NOL4L: variants seen among roughly 807,000 people sequenced by gnomAD.
NOL4L encodes nucleolar protein 4 like, also known as nucleolar protein 4-like.
A neutral mutation model predicts 64.5 loss-of-function variants in NOL4L; 7 were observed. The ratio of observed to expected loss-of-function variants is 0.11; its 90% CI spans 0.06 to 0.20. NOL4L has a LOEUF of 0.20. NOL4L is among the 10% of genes least tolerant of loss of function. The pLI, the probability that NOL4L is intolerant of heterozygous loss-of-function variation, is 1.00. For synonymous variants in NOL4L, 413 were observed against 401.0 expected (o/e 1.03, Z -0.36); for missense variants, 680 against 967.1 (o/e 0.70, Z 3.94).
intron 1 of NOL4L, among the ~76,000 whole-genome samples, chr20:32,575,291 A>G (rs1980024027): frequency 6.6e-6 from 1 of 151,252 alleles, no homozygotes; most frequent in Non-Finnish European, 1.5e-5. Context: ...TTGGCCATTT[A>G]CTCATCTCCA....
intron 1 of NOL4L, among the ~76,000 whole-genome samples, chr20:32,581,810 G>A (rs1209272686): frequency 6.6e-6 from 1 of 152,148 alleles, no homozygotes; most frequent in African/African-American, 2.4e-5. Flanking sequence ...AAAGGTTTAT[G>A]GCCCAATGAC....
chr20:32,552,507 C>G (rs1201432132), intron 1 of NOL4L, among the ~76,000 whole-genome samples: 2 of 149,758 alleles, frequency 1.3e-5, no homozygotes, highest in African/African-American at 4.9e-5. Flanking sequence ...GCCAACATGG[C>G]GAAACTCTGT....
intron 1 of NOL4L, among the ~76,000 whole-genome samples, chr20:32,541,604 C>CG (rs955994417): frequency 1.6e-4 from 25 of 152,200 alleles, no homozygotes; most frequent in African/African-American, 6.0e-4. Flanking sequence ...TCCATCGGCC[C>CG]GGGCCTGGAA....
chr20:32,541,547 C>T (rs1017809732), intron 1 of NOL4L, among the ~76,000 whole-genome samples: 1 of 152,128 alleles, frequency 6.6e-6, no homozygotes, highest in African/African-American at 2.4e-5. Flanking sequence ...GTCAGGAGCT[C>T]GTCTGGCCAC....
chr20:32,551,073 A>G (rs1237304745), intron 1 of NOL4L, among the ~76,000 whole-genome samples: 1 of 151,164 alleles, frequency 6.6e-6, no homozygotes, highest in African/African-American at 2.4e-5. Context: ...AATAATAATA[A>G]TACAGTATTA....
chr20:32,496,957 C>G (rs1435469039), intron 4 of NOL4L, among the ~76,000 whole-genome samples: 4 of 144,418 alleles, frequency 2.8e-5, no homozygotes, highest in Non-Finnish European at 6.0e-5. Context: ...GAATAGGGGT[C>G]GGGGAGCTAC....
At position 32,509,922 on chromosome 20, in the gene NOL4L, C is replaced by T. The variant is rs77508951; in HGVS notation, c.699+1425G>A. ...ATAACAGTGTTTACGAAGCCAGGTG[C>T]CGGAGACAGTGAGGATGGCTACAGG... On this transcript the variant is annotated intron_variant, in intron 4 of 10. Coordinates refer to ENST00000621426, the MANE Select transcript of NOL4L (RefSeq NM_001256798.2). 2,260 of 1,304,176 alleles carry T rather than the reference C, an allele frequency of 1.7e-3. 4 individuals are homozygous for T. The highest frequency in any genetic ancestry group is 2.2e-3 in the Non-Finnish European group (2,138 of 988,866). The allele number at this position is 1,304,176 out of a possible 1,614,324, so 80.8% of individuals were successfully genotyped here.
intron 2 of NOL4L, 33 bp downstream of exon 2, chr20:32,527,725 C>T (rs1264307628): frequency 6.5e-7 from 1 of 1,529,058 alleles, no homozygotes; most frequent in East Asian, 2.5e-5. Context: ...AGGCCTGGGG[C>T]TGCCAGTGGA....
intron 5 of NOL4L, among the ~76,000 whole-genome samples, chr20:32,462,517 G>A (rs1037040688): frequency 2.0e-5 from 3 of 152,100 alleles, no homozygotes; most frequent in East Asian, 1.9e-4. Flanking sequence ...CCAGGAGAAC[G>A]CGCCTGTCAC....
chr20:32,568,611 G>A (rs1472666545), intron 1 of NOL4L, among the ~76,000 whole-genome samples: 4 of 152,136 alleles, frequency 2.6e-5, no homozygotes, highest in African/African-American at 9.7e-5. Flanking sequence ...CCCCACTATG[G>A]GGCCATCCAG....
chr20:32,456,385 G>A lies in NOL4L; in HGVS notation c.852C>T (p.Ser284=). Residue 284 remains serine (S), a synonymous_variant, in exon 6 of 11, where the codon TCC becomes TCT. Coordinates refer to ENST00000621426, the MANE Select transcript of NOL4L (RefSeq NM_001256798.2). The stretch of plus-strand genomic sequence containing the variant: ...AGCCATTGCCGCTGCCACTCTCAGA[G>A]GAGGAGTCATCTGGAATGAGAGGCC... The part of the protein sequence containing the change: ...NLHSQEDDDS[S]SESGSGNGSS... 1 of 1,467,660 alleles carries A rather than the reference G, an allele frequency of 6.8e-7. No individual in the cohort carries two copies. Among genetic ancestry groups the A allele is most frequent in the Non-Finnish European group, 9.0e-7 (1 of 1,106,356 alleles). The allele number at this position is 1,467,660 out of a possible 1,614,324, so 90.9% of individuals were successfully genotyped here. A position where few individuals can be genotyped will look rare whatever the true frequency, so the allele number is the denominator to read the frequency against.
Position 32,584,963 on chromosome 20 carries a change from TGGGCTGGACC to T in NOL4L, c.-83_-74del. ...GCCCGGTGCCGGGACTGGGCTGGGC[TGGGCTGGACC>T]GGGCCGGGACGCGCCGCGGCCGCGT... On this transcript the variant is annotated 5_prime_UTR_variant, in exon 1 of 11. Coordinates refer to ENST00000621426, the MANE Select transcript of NOL4L (RefSeq NM_001256798.2). The T allele has an allele frequency of 1.1e-6, 1 of 893,896 alleles. No individual in the cohort carries two copies. The highest frequency in any genetic ancestry group is 1.8e-5 in the African/African-American group (1 of 54,974). The allele number at this position is 893,896 out of a possible 1,614,324, so 55.4% of individuals were successfully genotyped here.
intron 4 of NOL4L, among the ~76,000 whole-genome samples, chr20:32,482,084 C>G (rs923029891): frequency 4.6e-5 from 7 of 152,108 alleles, no homozygotes; most frequent in African/African-American, 1.7e-4. Flanking sequence ...TCACAGAGTC[C>G]AAACACCATT....
chr20:32,539,516 A>G (rs1181462647), intron 1 of NOL4L, among the ~76,000 whole-genome samples: 1 of 152,112 alleles, frequency 6.6e-6, no homozygotes, highest in Non-Finnish European at 1.5e-5. Flanking sequence ...GACCTTGCAC[A>G]TGGTGGGCAC....
rs2014322158 is a variant in NOL4L, at chr20:32,463,976, G to A, written c.842-7581C>T. On this transcript the variant is annotated intron_variant, in intron 5 of 10. Transcript: ENST00000621426. The surrounding 1 kb of genome is among the most constrained non-coding windows in gnomAD (Gnocchi z 5.8). ...CGTGTCCAGAGGTGTGGCTGCTGGAGGCAGTGCCGCCTCCATGAGACTCTG... is the reference window on the plus strand; with the variant it reads ...CGTGTCCAGAGGTGTGGCTGCTGGAAGCAGTGCCGCCTCCATGAGACTCTG... Among the ~76,000 whole-genome samples the A allele has an allele frequency of 1.3e-5, 2 of 152,214 alleles. No individual in the cohort carries two copies. Among genetic ancestry groups the A allele is most frequent in the African/African-American group, 4.8e-5 (2 of 41,460 alleles).
At chr20:32,497,856 G>A (rs1314311628) in intron 4 of NOL4L, among the ~76,000 whole-genome samples, 7 of 152,144 alleles carry the variant, frequency 4.6e-5, no homozygotes, top group Admixed American at 1.3e-4. Context: ...ATTCATGGAC[G>A]CCCAGGTAGC....
intron 1 of NOL4L, among the ~76,000 whole-genome samples, chr20:32,555,991 G>A (rs535132090): frequency 1.6e-4 from 25 of 152,094 alleles, no homozygotes; most frequent in Non-Finnish European, 3.2e-4. Context: ...AGTATTCTGC[G>A]TATTTCTGTG....
intron 5 of NOL4L, among the ~76,000 whole-genome samples, chr20:32,461,013 C>T (rs1600661531): frequency 6.6e-6 from 1 of 152,226 alleles, no homozygotes; most frequent in Non-Finnish European, 1.5e-5. Flanking sequence ...CGGCTGTGGG[C>T]CACGGCTCTG....
chr20:32,536,225 ATCGGGAG>A (rs1367633361), intron 1 of NOL4L: 10 of 985,320 alleles, frequency 1.0e-5, no homozygotes, highest in Non-Finnish European at 1.2e-5. Context: ...AGGACAGGGA[ATCGGGAG>A]TCACCGAAGG....
Sources: allele counts gnomAD v4.1 joint callset (sites outside exome capture counted in the v4.1 genomes callset), GRCh38; gene constraint gnomAD v4.1.1; non-coding constraint Gnocchi (gnomAD v3.1); transcripts MANE v1.5; gene names NCBI Gene and HGNC (gene_info 2026-07-23, HGNC 2026-07-21).